The following ZNG1A variants were observed in gnomAD, a reference collection of about 807,000 sequenced individuals.
ZNG1A encodes the protein zinc-regulated GTPase metalloprotein activator 1A.
the ZNG1A span, chr9:148,595 G>GA: frequency 1.8e-5 from 2 of 112,044 alleles, no homozygotes; most frequent in East Asian, 2.2e-4. Flanking sequence ...AAAAAAAAAA[G>GA]AAAAAAAAGA....
chr9:171,598 G>T, the ZNG1A span: 12 of 175,140 alleles, frequency 6.9e-5, no homozygotes, highest in Non-Finnish European at 1.5e-4. Context: ...CACTTACATT[G>T]TATTAGGTAT....
At chr9:121,435 T>A in the ZNG1A span, 1 of 1,573,450 alleles carries the variant, frequency 6.4e-7, no homozygotes. Flanking sequence ...ATTTTTATTA[T>A]CCAATCCTTT....
chr9:169,587 G>A, the ZNG1A span, among the ~76,000 whole-genome samples: 1 of 144,130 alleles, frequency 6.9e-6, no homozygotes, highest in Non-Finnish European at 1.5e-5. Flanking sequence ...CATCTTTTAT[G>A]AAAGGGAGAG....
At chr9:150,415 C>G in the ZNG1A span, 265,187 of 972,050 alleles carry the variant, frequency 0.27, 38,140 homozygotes, top group Non-Finnish European at 0.29. Flanking sequence ...CGTGAGCCAC[C>G]GCGCCCAGCC....
chr9:161,522 A>G, the ZNG1A span: 4 of 1,243,774 alleles, frequency 3.2e-6, no homozygotes, highest in Non-Finnish European at 4.2e-6. Context: ...GATACAAAAC[A>G]GACACTAATT....
At chr9:161,206 T>C in the ZNG1A span, among the ~76,000 whole-genome samples, 97 of 152,134 alleles carry the variant, frequency 6.4e-4, 1 homozygote, top group South Asian at 0.019. Flanking sequence ...TGGTGGCTCA[T>C]GCCTGTAATC....
the ZNG1A span, chr9:161,480 A>T: frequency 3.7e-5 from 32 of 868,724 alleles, no homozygotes; most frequent in African/African-American, 2.3e-4. Flanking sequence ...AAAAAAAAAA[A>T]AAAAAAATTA....
chr9:137,346 C>T, the ZNG1A span, among the ~76,000 whole-genome samples: 1 of 145,608 alleles, frequency 6.9e-6, no homozygotes, highest in East Asian at 2.0e-4. Context: ...GGGCAATAGA[C>T]CCAGACCCTG....
the ZNG1A span, among the ~76,000 whole-genome samples, chr9:136,035 T>G: frequency 1.4e-5 from 1 of 73,166 alleles, no homozygotes; most frequent in African/African-American, 4.4e-5. Context: ...AAAAATCATA[T>G]GCTTTTCCCA....
the ZNG1A span, among the ~76,000 whole-genome samples, chr9:171,392 C>T: frequency 1.3e-5 from 2 of 151,374 alleles, no homozygotes; most frequent in Non-Finnish European, 2.9e-5. Context: ...AACTTTTATG[C>T]AAAATGAAAA....
the ZNG1A span, chr9:150,809 C>G: frequency 1.1e-6 from 1 of 935,500 alleles, no homozygotes; most frequent in African/African-American, 1.8e-5. Flanking sequence ...CAAGACACAA[C>G]TTTTATTCAG....
chr9:146,319 ATTTG>A, the ZNG1A span: 28 of 655,410 alleles, frequency 4.3e-5, no homozygotes, highest in Admixed American at 6.8e-5. Context: ...ATTGAAAATT[ATTTG>A]TTTATTACTT....
the ZNG1A span, chr9:154,780 T>G: frequency 1.9e-6 from 3 of 1,584,064 alleles, no homozygotes; most frequent in Non-Finnish European, 1.7e-6. Flanking sequence ...GAATGGCATC[T>G]GCCAAAGCAA....
the ZNG1A span, chr9:146,244 A>T: frequency 1.9e-6 from 3 of 1,544,296 alleles, no homozygotes; most frequent in Non-Finnish European, 2.6e-6. Context: ...GACTTAAAAA[A>T]TTTTATACAT....
At chr9:178,427 G>C in the ZNG1A span, among the ~76,000 whole-genome samples, 1 of 140,774 alleles carries the variant, frequency 7.1e-6, no homozygotes, top group East Asian at 2.0e-4. Flanking sequence ...TCCTTTAATG[G>C]CAACAGGTAG....
the ZNG1A span, among the ~76,000 whole-genome samples, chr9:141,209 C>T: frequency 5.3e-5 from 7 of 133,320 alleles, no homozygotes; most frequent in African/African-American, 1.5e-4. Flanking sequence ...AGATACTCCT[C>T]GAGAAGAGCA....
the ZNG1A span, among the ~76,000 whole-genome samples, chr9:155,688 A>C: frequency 6.6e-6 from 1 of 152,204 alleles, no homozygotes; most frequent in Non-Finnish European, 1.5e-5. Context: ...AATTCACTTT[A>C]GTTCACTGAA....
chr9:157,313 C>G, the ZNG1A span, among the ~76,000 whole-genome samples: 75 of 146,848 alleles, frequency 5.1e-4, 2 homozygotes, highest in Non-Finnish European at 8.5e-4. Flanking sequence ...CCTCATAATC[C>G]TGTTTACATC....
the ZNG1A span, among the ~76,000 whole-genome samples, chr9:171,334 A>C: frequency 6.6e-6 from 1 of 151,044 alleles, no homozygotes; most frequent in Non-Finnish European, 1.5e-5. Flanking sequence ...AGAGACCCAG[A>C]TCAAAAAAAA....
Sources: allele counts gnomAD v4.1 joint callset (sites outside exome capture counted in the v4.1 genomes callset), GRCh38; gene constraint gnomAD v4.1.1; transcripts MANE v1.5; gene names NCBI Gene and HGNC (gene_info 2026-07-23, HGNC 2026-07-21).